The following DSCAM variants were observed in gnomAD, a reference collection of about 807,000 sequenced individuals.
DSCAM encodes the protein DS cell adhesion molecule.
Under a neutral mutation model 217.7 loss-of-function variants are expected in DSCAM, and 47 were observed. That is an observed-to-expected ratio of 0.22 (90% confidence interval 0.17 to 0.28). The LOEUF (loss-of-function observed/expected upper bound fraction) is 0.28. Among genes scored for constraint, DSCAM ranks in the 10% least tolerant of loss-of-function variants. The probability of loss-of-function intolerance (pLI) is 1.00; values close to 1 mark genes in which losing one functional copy is unlikely to be tolerated. For missense variants in DSCAM, 2,080 were observed against 2,618.3 expected (o/e 0.79, Z 4.49); for synonymous variants, 1,056 against 1,015.3 (o/e 1.04, Z -0.76).
chr21:40,396,414 G>A (rs969580222), intron 3 of DSCAM, among the ~76,000 whole-genome samples: 5 of 152,094 alleles, frequency 3.3e-5, no homozygotes, highest in African/African-American at 7.2e-5. Context: ...TAATGGGAAC[G>A]GTTTCCCAAC....
chr21:40,235,256 T>A (rs1665417200), intron 11 of DSCAM, among the ~76,000 whole-genome samples: 1 of 152,164 alleles, frequency 6.6e-6, no homozygotes. Flanking sequence ...AAACAGACAG[T>A]GGTTTCATAT....
At chr21:40,171,145 T>C (rs1040932222) in intron 15 of DSCAM, among the ~76,000 whole-genome samples, 2 of 152,192 alleles carry the variant, frequency 1.3e-5, no homozygotes, top group Non-Finnish European at 2.9e-5. Context: ...TGGCACTATC[T>C]CGACTCACTG....
At chr21:40,142,033 G>A (rs1221165493) in intron 18 of DSCAM, among the ~76,000 whole-genome samples, 1 of 142,436 alleles carries the variant, frequency 7.0e-6, no homozygotes, top group Non-Finnish European at 1.5e-5. Context: ...AGGAGGAGAA[G>A]GGGAAGGAAG....
At chr21:40,039,141 C>T (rs531640958) in intron 32 of DSCAM, among the ~76,000 whole-genome samples, 2 of 151,692 alleles carry the variant, frequency 1.3e-5, no homozygotes, top group South Asian at 4.2e-4. Context: ...ACAATATGCA[C>T]ATGTACCCTG....
At chr21:40,682,227 A>G (rs1269723287) in intron 3 of DSCAM, among the ~76,000 whole-genome samples, 1 of 152,128 alleles carries the variant, frequency 6.6e-6, no homozygotes, top group Admixed American at 6.5e-5. Flanking sequence ...CCAGGAGAGA[A>G]GGCAGGTCCG....
intron 1 of DSCAM, among the ~76,000 whole-genome samples, chr21:40,742,688 T>C (rs2091135848): frequency 6.6e-6 from 1 of 152,224 alleles, no homozygotes; most frequent in African/African-American, 2.4e-5. Context: ...TGAAATTTAA[T>C]GATCTCCCTT....
chr21:40,106,115 A>T (rs1176401478), intron 20 of DSCAM, among the ~76,000 whole-genome samples: 3 of 152,194 alleles, frequency 2.0e-5, no homozygotes, highest in African/African-American at 7.2e-5. Context: ...GGAGGAGCAA[A>T]GGCATGTTTT....
intron 3 of DSCAM, among the ~76,000 whole-genome samples, chr21:40,553,212 CA>C (rs979773149): frequency 6.6e-6 from 1 of 152,214 alleles, no homozygotes; most frequent in Non-Finnish European, 1.5e-5. Flanking sequence ...TAGAACTCCA[CA>C]AAATGTTTTT....
intron 3 of DSCAM, among the ~76,000 whole-genome samples, chr21:40,535,399 G>A (rs933536979): frequency 6.6e-6 from 1 of 152,182 alleles, no homozygotes; most frequent in Admixed American, 6.5e-5. Flanking sequence ...TTCAGATCCT[G>A]GCAAATGCCT....
At chr21:40,169,925 T>G (rs2090637280) in intron 15 of DSCAM, among the ~76,000 whole-genome samples, 1 of 152,114 alleles carries the variant, frequency 6.6e-6, no homozygotes, top group African/African-American at 2.4e-5. Flanking sequence ...CCCACCCCAC[T>G]TCTATGCCTG....
chr21:40,249,280 C>A (rs2073270107), intron 11 of DSCAM, among the ~76,000 whole-genome samples: 1 of 152,118 alleles, frequency 6.6e-6, no homozygotes, highest in Non-Finnish European at 1.5e-5. Flanking sequence ...GTGGGAGGGA[C>A]CAGGTAAGAG....
At chr21:40,033,033 C>CA (rs1158936440) in intron 32 of DSCAM, among the ~76,000 whole-genome samples, 1 of 152,196 alleles carries the variant, frequency 6.6e-6, no homozygotes, top group Admixed American at 6.5e-5. Flanking sequence ...AAATGCATTT[C>CA]ATTTGTTCCA....
chr21:40,447,281 AAC>A (rs1453077435), intron 3 of DSCAM, among the ~76,000 whole-genome samples: 1 of 152,204 alleles, frequency 6.6e-6, no homozygotes, highest in East Asian at 1.9e-4. Context: ...CACAAAACCT[AAC>A]ACTGACAATT....
At chr21:40,369,382 CTGCG>C in intron 3 of DSCAM, 137 bp from the exon 4 acceptor site, 6 of 508,710 alleles carry the variant, frequency 1.2e-5, no homozygotes, top group Non-Finnish European at 1.5e-5. Flanking sequence ...GTGCGTGCGT[CTGCG>C]TGTGTGTGTG....
At chr21:40,585,185 T>TC (rs934332534) in intron 3 of DSCAM, among the ~76,000 whole-genome samples, 2 of 151,692 alleles carry the variant, frequency 1.3e-5, no homozygotes, top group African/African-American at 4.8e-5. Flanking sequence ...ACTTCTTTTT[T>TC]TTTTTTTTTA....
At chr21:40,716,395 T>C (rs886526462) in intron 1 of DSCAM, among the ~76,000 whole-genome samples, 1 of 152,288 alleles carries the variant, frequency 6.6e-6, no homozygotes, top group East Asian at 1.9e-4. Context: ...TGTGTGTGTG[T>C]GTGTGAAAGT....
intron 3 of DSCAM, among the ~76,000 whole-genome samples, chr21:40,398,294 C>G (rs1053318787): frequency 9.9e-5 from 15 of 152,150 alleles, no homozygotes; most frequent in African/African-American, 3.6e-4. Flanking sequence ...TTAAACATGA[C>G]CTTGTCCCAG....
intron 1 of DSCAM, among the ~76,000 whole-genome samples, chr21:40,730,847 A>T (rs1405439559): frequency 6.6e-6 from 1 of 152,216 alleles, no homozygotes; most frequent in Admixed American, 6.5e-5. Flanking sequence ...AATGATTACT[A>T]AAGCCCAAAA....
chr21:40,327,261 T>A (rs2074327836), intron 8 of DSCAM, among the ~76,000 whole-genome samples: 1 of 152,154 alleles, frequency 6.6e-6, no homozygotes, highest in Admixed American at 6.6e-5. Flanking sequence ...GGCATTCTTT[T>A]CCCTTTCTTA....
Sources: allele counts gnomAD v4.1 joint callset (sites outside exome capture counted in the v4.1 genomes callset), GRCh38; gene constraint gnomAD v4.1.1; transcripts MANE v1.5; gene names NCBI Gene and HGNC (gene_info 2026-07-23, HGNC 2026-07-21).